The following ATP2A2 variants were observed in gnomAD, a reference collection of about 807,000 sequenced individuals.
ATP2A2 encodes sarcoplasmic/endoplasmic reticulum calcium ATPase 2.
In ATP2A2, 14 loss-of-function variants were observed where a neutral mutation model predicts 109.3. The ratio of observed to expected loss-of-function variants is 0.13; its 90% CI spans 0.08 to 0.20. ATP2A2 has a LOEUF of 0.20. ATP2A2 is among the 10% of genes least tolerant of loss of function. The probability of loss-of-function intolerance (pLI) is 1.00; values close to 1 mark genes in which losing one functional copy is unlikely to be tolerated. For synonymous variants in ATP2A2, 506 were observed against 490.9 expected (o/e 1.03, Z -0.41); for missense variants, 657 against 1,321.6 (o/e 0.50, Z 7.80).
intron 7 of ATP2A2, among the ~76,000 whole-genome samples, chr12:110,326,731 A>G (rs1389723013): frequency 6.6e-6 from 1 of 152,208 alleles, no homozygotes; most frequent in African/African-American, 2.4e-5. Context: ...CATAGTTGAA[A>G]AGTAGATTTG....
intron 8 of ATP2A2, chr12:110,331,461 T>G (rs1348365139): frequency 6.6e-6 from 1 of 152,086 alleles, no homozygotes; most frequent in African/African-American, 2.4e-5. Context: ...TCCCTCAACC[T>G]CCTGAGTAGC....
chr12:110,290,451 CTGTT>C (rs1186953391), intron 3 of ATP2A2, among the ~76,000 whole-genome samples: 1 of 152,196 alleles, frequency 6.6e-6, no homozygotes, highest in Non-Finnish European at 1.5e-5. Context: ...ATGAACATGA[CTGTT>C]AGATGATCAC....
chr12:110,332,149 A>G (rs1008559330), intron 8 of ATP2A2: 2 of 187,012 alleles, frequency 1.1e-5, no homozygotes, highest in South Asian at 1.1e-4. Context: ...ATTCTTCCCA[A>G]GCTTTTGTGC....
intron 3 of ATP2A2, among the ~76,000 whole-genome samples, chr12:110,285,820 T>G (rs1471589027): frequency 6.6e-6 from 1 of 152,132 alleles, no homozygotes; most frequent in African/African-American, 2.4e-5. Flanking sequence ...CTAATAAAAC[T>G]TTCTAGACTG....
At chr12:110,344,445 G>A (rs1879649316) in intron 16 of ATP2A2, among the ~76,000 whole-genome samples, 1 of 152,138 alleles carries the variant, frequency 6.6e-6, no homozygotes, top group Non-Finnish European at 1.5e-5. Context: ...CTGCTGCTGG[G>A]CCTCTAATGG....
rs1282871748 is a variant in ATP2A2 at position 110,342,438 on chromosome 12, G to A, written c.2308G>A (p.Glu770Lys). The change falls in exon 15 of 20, where the codon GAA becomes AAA. Residue 770 changes from glutamate (E) to lysine (K), a missense_variant. Transcript: ENST00000539276. This position sits in a 1 kb window ranked among gnomAD's most constrained non-coding sequence, Gnocchi z 4.6. Reference protein sequence around the residue: ...IRYLISSNVGEVVCIFLTAAL... With the variant: ...IRYLISSNVGKVVCIFLTAAL... Reference sequence around the variant, plus strand: ...CTACCTCATCTCGTCCAACGTCGGGGAAGTTGTCTGGTAGGTCTCTGTGAC... The same window carrying A: ...CTACCTCATCTCGTCCAACGTCGGGAAAGTTGTCTGGTAGGTCTCTGTGAC... The A allele has an allele frequency of 6.2e-7, 1 of 1,613,556 alleles. No individual in the cohort carries two copies. Among genetic ancestry groups the A allele is most frequent in the Non-Finnish European group, 8.5e-7 (1 of 1,180,018 alleles).
intron 11 of ATP2A2, among the ~76,000 whole-genome samples, chr12:110,338,979 GC>G (rs1879103952): frequency 6.6e-6 from 1 of 152,066 alleles, no homozygotes; most frequent in Non-Finnish European, 1.5e-5. Context: ...ATCTTTTCAG[GC>G]CCCATGGGGC....
intron 5 of ATP2A2, among the ~76,000 whole-genome samples, chr12:110,298,500 A>G (rs569214596): frequency 6.6e-6 from 1 of 152,282 alleles, no homozygotes; most frequent in East Asian, 1.9e-4. Context: ...TGGGCAGATC[A>G]TGAGGTCAAG....
intron 16 of ATP2A2, 141 bp downstream of exon 16, chr12:110,343,575 C>CATCGAACTGTAA: frequency 3.1e-6 from 3 of 969,438 alleles, no homozygotes; most frequent in Non-Finnish European, 4.7e-6. Context: ...TCTTACAGTT[C>CATCGAACTGTAA]GATGAACTAT....
intron 8 of ATP2A2, 78 bp from the exon 9 acceptor site, chr12:110,332,519 A>G: frequency 8.1e-7 from 1 of 1,231,388 alleles, no homozygotes; most frequent in Non-Finnish European, 1.2e-6. Context: ...CTTTGTCCTA[A>G]GCTAACAAAG....
intron 4 of ATP2A2, chr12:110,296,369 T>G (rs1440738168): frequency 3.7e-6 from 2 of 539,436 alleles, no homozygotes; most frequent in African/African-American, 3.8e-5. Flanking sequence ...TTGCTTTTCC[T>G]CATTGTTTTA....
intron 11 of ATP2A2, among the ~76,000 whole-genome samples, chr12:110,334,810 A>G (rs903989525): frequency 1.3e-5 from 2 of 151,740 alleles, no homozygotes; most frequent in Non-Finnish European, 1.5e-5. Context: ...CTGGTCTCGA[A>G]CTCCTGACCT....
intron 4 of ATP2A2, among the ~76,000 whole-genome samples, chr12:110,294,596 C>G (rs989342532): frequency 1.3e-5 from 2 of 151,940 alleles, no homozygotes; most frequent in Non-Finnish European, 2.9e-5. Flanking sequence ...TTGCAGTGAG[C>G]CGAGATGATG....
intron 3 of ATP2A2, among the ~76,000 whole-genome samples, chr12:110,286,620 TC>T (rs951480785): frequency 2.6e-5 from 4 of 151,958 alleles, no homozygotes; most frequent in African/African-American, 9.7e-5. Context: ...CTGAAAGTCC[TC>T]CCCCAGAAAT....
At position 110,311,552 on chromosome 12, in the gene ATP2A2, C is replaced by T. The variant is rs534508853; in HGVS notation, c.464-11440C>T. On this transcript the variant is annotated intron_variant, in intron 5 of 19. Transcript: ENST00000539276. ...CAGAGGTTGCAGTGAGCCAAGATCG[C>T]GCCACTGCACTCCAGCCTGGGGGAC... Among the ~76,000 whole-genome samples the T allele has an allele frequency of 3.7e-4, 51 of 139,468 alleles. No individual in the cohort carries two copies. In the South Asian group the frequency reaches 4.4e-3, roughly 12 times the overall value. The allele number at this position is 139,468 out of a possible 152,430, so 91.5% of individuals were successfully genotyped here. A position where few individuals can be genotyped will look rare whatever the true frequency, so the allele number is the denominator to read the frequency against.
chr12:110,323,726 A>C (rs1185833609), intron 6 of ATP2A2, among the ~76,000 whole-genome samples: 1 of 152,204 alleles, frequency 6.6e-6, no homozygotes, highest in Non-Finnish European at 1.5e-5. Flanking sequence ...GCCTAGGTCA[A>C]GGCTACAGTG....
chr12:110,281,930 C>T (rs1168665609), intron 1 of ATP2A2, 23 bp downstream of exon 1: 9 of 1,547,874 alleles, frequency 5.8e-6, no homozygotes, highest in Non-Finnish European at 7.9e-6. Context: ...CGCTCCGCTG[C>T]AGGGGCCCGG....
At chr12:110,344,035 T>G (rs1879607536) in intron 16 of ATP2A2, among the ~76,000 whole-genome samples, 1 of 152,152 alleles carries the variant, frequency 6.6e-6, no homozygotes, top group Non-Finnish European at 1.5e-5. Flanking sequence ...GGCCAGTCAC[T>G]TCCCTCTGGC....
intron 5 of ATP2A2, among the ~76,000 whole-genome samples, chr12:110,312,272 A>G (rs572336003): frequency 2.0e-5 from 3 of 152,222 alleles, no homozygotes; most frequent in Non-Finnish European, 4.4e-5. Flanking sequence ...GTGTGCAGGA[A>G]TTACCTGGGG....
Sources: allele counts gnomAD v4.1 joint callset (sites outside exome capture counted in the v4.1 genomes callset), GRCh38; gene constraint gnomAD v4.1.1; non-coding constraint Gnocchi (gnomAD v3.1); transcripts MANE v1.5; gene names NCBI Gene and HGNC (gene_info 2026-07-23, HGNC 2026-07-21).